The following PABPC4L variants were observed in gnomAD, a reference collection of about 807,000 sequenced individuals.
The protein encoded by PABPC4L is poly(A) binding protein cytoplasmic 4 like.
For missense variants in PABPC4L, 452 were observed against 451.4 expected, an observed-to-expected ratio of 1.00 and a Z score of -0.01; for synonymous variants, 169 against 164.1, an observed-to-expected ratio of 1.03 and a Z score of -0.23.
chr4:134,114,175 G>C, the PABPC4L span, among the ~76,000 whole-genome samples: 1 of 151,612 alleles, frequency 6.6e-6, no homozygotes, highest in African/African-American at 2.4e-5. Context: ...TTCACCAGGA[G>C]CAGACCTCCA....
the PABPC4L span, among the ~76,000 whole-genome samples, chr4:134,009,864 C>G: frequency 1.3e-5 from 2 of 152,098 alleles, no homozygotes; most frequent in East Asian, 3.9e-4. Context: ...TCAAAGAGGA[C>G]AGTTCTACAT....
chr4:134,043,281 G>C, the PABPC4L span, among the ~76,000 whole-genome samples: 1 of 152,208 alleles, frequency 6.6e-6, no homozygotes, highest in South Asian at 2.1e-4. Flanking sequence ...TTTATTGACT[G>C]TTTATCTGAA....
At chr4:134,182,885 T>C in the PABPC4L span, among the ~76,000 whole-genome samples, 1 of 151,722 alleles carries the variant, frequency 6.6e-6, no homozygotes, top group South Asian at 2.1e-4. Context: ...TTAGGGAAAT[T>C]CAAATCAAAA....
chr4:134,170,317 T>G, the PABPC4L span, among the ~76,000 whole-genome samples: 1 of 152,210 alleles, frequency 6.6e-6, no homozygotes, highest in Non-Finnish European at 1.5e-5. Context: ...CATGGACATT[T>G]TTGTTGATTC....
chr4:134,048,918 T>A, the PABPC4L span, among the ~76,000 whole-genome samples: 1 of 152,218 alleles, frequency 6.6e-6, no homozygotes, highest in Admixed American at 6.5e-5. Flanking sequence ...CTTAATTCTA[T>A]ATTTTACCTG....
the PABPC4L span, among the ~76,000 whole-genome samples, chr4:134,119,893 T>A: frequency 6.6e-6 from 1 of 151,770 alleles, no homozygotes; most frequent in Non-Finnish European, 1.5e-5. Flanking sequence ...CATCTAGTTC[T>A]TGTAGCAGTA....
At chr4:134,076,837 G>A in the PABPC4L span, among the ~76,000 whole-genome samples, 1 of 152,086 alleles carries the variant, frequency 6.6e-6, no homozygotes, top group Admixed American at 6.6e-5. Flanking sequence ...ATGTATATGT[G>A]TGAATGTGCG....
chr4:133,999,058 C>T, the PABPC4L span, among the ~76,000 whole-genome samples: 6 of 152,102 alleles, frequency 3.9e-5, no homozygotes, highest in South Asian at 1.2e-3. Flanking sequence ...ATAATCTGAA[C>T]ATATAGACCT....
At chr4:134,139,119 G>A in the PABPC4L span, among the ~76,000 whole-genome samples, 1 of 151,890 alleles carries the variant, frequency 6.6e-6, no homozygotes, top group Admixed American at 6.6e-5. Flanking sequence ...CTTAGAATAT[G>A]TTTTATCAAT....
At chr4:134,188,400 C>T in the PABPC4L span, among the ~76,000 whole-genome samples, 8 of 152,160 alleles carry the variant, frequency 5.3e-5, no homozygotes, top group East Asian at 1.2e-3. Context: ...TCACCATGCT[C>T]TCCCATTCTT....
chr4:134,159,171 T>G, the PABPC4L span, among the ~76,000 whole-genome samples: 1 of 152,166 alleles, frequency 6.6e-6, no homozygotes, highest in East Asian at 1.9e-4. Flanking sequence ...ACTGTAGACT[T>G]TAGAACACTG....
At chr4:134,180,767 C>T in the PABPC4L span, among the ~76,000 whole-genome samples, 1 of 151,846 alleles carries the variant, frequency 6.6e-6, no homozygotes, top group Non-Finnish European at 1.5e-5. Flanking sequence ...TGTACACAAG[C>T]TAGAAAATTT....
At chr4:133,997,434 C>T in the PABPC4L span, among the ~76,000 whole-genome samples, 10 of 151,862 alleles carry the variant, frequency 6.6e-5, no homozygotes, top group Non-Finnish European at 1.3e-4. Flanking sequence ...TTCATGCCTG[C>T]TAGCATGACA....
chr4:134,139,920 A>T, the PABPC4L span, among the ~76,000 whole-genome samples: 3 of 151,874 alleles, frequency 2.0e-5, no homozygotes, highest in African/African-American at 7.2e-5. Context: ...GGACAACCAG[A>T]AATTGTTTAT....
chr4:133,977,306 CT>C, the PABPC4L span, among the ~76,000 whole-genome samples: 1 of 151,924 alleles, frequency 6.6e-6, no homozygotes, highest in South Asian at 2.1e-4. Flanking sequence ...TGCTGATTTG[CT>C]TCCTGTAGCC....
the PABPC4L span, among the ~76,000 whole-genome samples, chr4:134,032,609 A>T: frequency 3.9e-5 from 6 of 151,936 alleles, no homozygotes; most frequent in Admixed American, 3.9e-4. Flanking sequence ...ATGAAATTAA[A>T]AGAAGTAAGC....
the PABPC4L span, among the ~76,000 whole-genome samples, chr4:134,131,016 A>G: frequency 6.6e-6 from 1 of 152,170 alleles, no homozygotes; most frequent in Non-Finnish European, 1.5e-5. Context: ...AACTCACAGC[A>G]AAATCAACAT....
At chr4:134,118,505 T>C in the PABPC4L span, among the ~76,000 whole-genome samples, 1 of 151,862 alleles carries the variant, frequency 6.6e-6, no homozygotes, top group Non-Finnish European at 1.5e-5. Flanking sequence ...AAGGCAACAC[T>C]TAGATTGACA....
chr4:134,006,889 A>G, the PABPC4L span, among the ~76,000 whole-genome samples: 1 of 149,214 alleles, frequency 6.7e-6, no homozygotes, highest in East Asian at 1.9e-4. Flanking sequence ...TATGAAAGGC[A>G]AAGCAATGAT....
Sources: allele counts gnomAD v4.1 joint callset (sites outside exome capture counted in the v4.1 genomes callset), GRCh38; gene constraint gnomAD v4.1.1; transcripts MANE v1.5; gene names NCBI Gene and HGNC (gene_info 2026-07-23, HGNC 2026-07-21).